The following SEMA3E variants were observed in gnomAD, a reference collection of about 807,000 sequenced individuals.
SEMA3E encodes semaphorin 3E, also known as semaphorin-3E.
In SEMA3E, 49 loss-of-function variants were observed where a neutral mutation model predicts 93.6. That is an observed-to-expected ratio of 0.52 (90% confidence interval 0.42 to 0.66). The LOEUF (loss-of-function observed/expected upper bound fraction) is 0.66, where lower values mean the gene tolerates loss of function less well. Ranked by LOEUF, SEMA3E falls within the 30% of genes least tolerant of loss-of-function variation. SEMA3E has a pLI of 0.00. For missense variants in SEMA3E, 906 were observed against 964.8 expected (o/e 0.94, Z 0.81); for synonymous variants, 363 against 330.7 (o/e 1.10, Z -1.06).
intron 1 of SEMA3E, among the ~76,000 whole-genome samples, chr7:83,520,572 G>T (rs975063285): frequency 6.6e-6 from 1 of 152,044 alleles, no homozygotes; most frequent in Non-Finnish European, 1.5e-5. Flanking sequence ...GCTCAAGACT[G>T]GGTCTGCAGC....
rs1447930798 is a variant in SEMA3E at position 83,648,653 on chromosome 7, C to T, written c.-111G>A. 3.8e-6 allele frequency: 3 copies of T among 796,264 alleles called. No individual in the cohort carries two copies. The highest frequency in any genetic ancestry group is 6.5e-6 in the Non-Finnish European group (3 of 458,252). The allele number at this position is 796,264 out of a possible 1,614,324, so 49.3% of individuals were successfully genotyped here. A position where few individuals can be genotyped will look rare whatever the true frequency, so the allele number is the denominator to read the frequency against. On this transcript the variant is annotated 5_prime_UTR_variant, in exon 1 of 17. Transcript: ENST00000643230. ...GCGAGAGGCTTTGTCAGAAATCGAA[C>T]GCGTTGTCATCAGAAAGCACAGTTC... is the stretch of plus-strand genomic sequence containing the variant.
At chr7:83,446,368 G>A (rs1013187154) in intron 4 of SEMA3E, among the ~76,000 whole-genome samples, 2 of 152,290 alleles carry the variant, frequency 1.3e-5, no homozygotes, top group Non-Finnish European at 1.5e-5. Flanking sequence ...CAGCAGTGGA[G>A]AAAACAAAAG....
At chr7:83,593,326 G>A (rs905801476) in intron 1 of SEMA3E, among the ~76,000 whole-genome samples, 3 of 121,286 alleles carry the variant, frequency 2.5e-5, no homozygotes, top group African/African-American at 9.8e-5. Flanking sequence ...GTGTGTGTGT[G>A]TGTGTGTGTT....
chr7:83,373,698 C>A (rs1319703928), intron 16 of SEMA3E, among the ~76,000 whole-genome samples: 3 of 151,810 alleles, frequency 2.0e-5, no homozygotes, highest in Non-Finnish European at 4.4e-5. Flanking sequence ...ATGTTATATT[C>A]AAAAACATAC....
At chr7:83,499,418 T>G (rs550364183) in intron 1 of SEMA3E, among the ~76,000 whole-genome samples, 1 of 152,324 alleles carries the variant, frequency 6.6e-6, no homozygotes, top group African/African-American at 2.4e-5. Context: ...GCTAATTTGA[T>G]GGAGAAAATA....
chr7:83,648,410 T>A lies in SEMA3E; in HGVS notation c.115+18A>T. On this transcript the variant is annotated intron_variant, in intron 1 of 16. Coordinates refer to ENST00000643230, the MANE Select transcript of SEMA3E (RefSeq NM_012431.3). ...TTTTTTTTTTTTTTAAACAAAAGGA[T>A]CTGGAAAGGTAACCTACCTTTATGT... is the stretch of plus-strand genomic sequence containing the variant. 2.1e-6 allele frequency: 3 copies of A among 1,432,752 alleles called. No homozygotes were observed. Among genetic ancestry groups the A allele is most frequent in the Non-Finnish European group, 3.0e-6 (3 of 1,016,576 alleles). The allele number at this position is 1,432,752 out of a possible 1,614,324, so 88.8% of individuals were successfully genotyped here.
chr7:83,452,884 A>C (rs1425357371), intron 4 of SEMA3E, among the ~76,000 whole-genome samples: 3 of 152,180 alleles, frequency 2.0e-5, no homozygotes, highest in Non-Finnish European at 4.4e-5. Context: ...TGCCTTTTCT[A>C]TTAGCTGCAC....
At chr7:83,577,254 A>C (rs1584342441) in intron 1 of SEMA3E, among the ~76,000 whole-genome samples, 1 of 152,350 alleles carries the variant, frequency 6.6e-6, no homozygotes, top group East Asian at 1.9e-4. Context: ...ATTGATCTAT[A>C]CTGCTCCTTT....
At chr7:83,379,473 G>C (rs1285535105) in intron 16 of SEMA3E, among the ~76,000 whole-genome samples, 1 of 151,818 alleles carries the variant, frequency 6.6e-6, no homozygotes, top group Non-Finnish European at 1.5e-5. Flanking sequence ...GAATAGCATG[G>C]CATATAGTAA....
At chr7:83,623,611 GA>G (rs528262274) in intron 1 of SEMA3E, among the ~76,000 whole-genome samples, 2,403 of 142,600 alleles carry the variant, frequency 0.017, 38 homozygotes, top group African/African-American at 0.032. Flanking sequence ...ATCTCTACCT[GA>G]AAAAAAAAAA....
intron 1 of SEMA3E, among the ~76,000 whole-genome samples, chr7:83,495,865 C>T (rs1423880988): frequency 6.6e-6 from 1 of 151,824 alleles, no homozygotes; most frequent in African/African-American, 2.4e-5. Flanking sequence ...AAATTTTCTC[C>T]AGTGAACATG....
At chr7:83,645,208 C>A (rs751660373) in intron 1 of SEMA3E, among the ~76,000 whole-genome samples, 46 of 151,992 alleles carry the variant, frequency 3.0e-4, no homozygotes, top group Admixed American at 7.2e-4. Context: ...GACTTTTCTC[C>A]CTTCATTCTC....
At chr7:83,473,794 C>A (rs1789951371) in intron 2 of SEMA3E, among the ~76,000 whole-genome samples, 1 of 148,856 alleles carries the variant, frequency 6.7e-6, no homozygotes, top group African/African-American at 2.5e-5. Context: ...TAAATATGTT[C>A]AAGATTCAGC....
chr7:83,443,339 A>C (rs947855854), intron 4 of SEMA3E, among the ~76,000 whole-genome samples: 2 of 152,330 alleles, frequency 1.3e-5, no homozygotes, highest in South Asian at 2.1e-4. Context: ...CTTCTGACAG[A>C]AAAAGGGTAT....
intron 4 of SEMA3E, among the ~76,000 whole-genome samples, chr7:83,426,285 T>C (rs1171743369): frequency 6.6e-6 from 1 of 152,186 alleles, no homozygotes; most frequent in Non-Finnish European, 1.5e-5. Context: ...TGTATGTTCA[T>C]TGCAGCATTA....
intron 5 of SEMA3E, among the ~76,000 whole-genome samples, chr7:83,413,637 G>A (rs926103766): frequency 6.6e-6 from 1 of 152,160 alleles, no homozygotes; most frequent in Non-Finnish European, 1.5e-5. Flanking sequence ...AAACCAGGAA[G>A]AATGTGAGAT....
chr7:83,602,449 C>A (rs1326179863), intron 1 of SEMA3E, among the ~76,000 whole-genome samples: 1 of 151,800 alleles, frequency 6.6e-6, no homozygotes, highest in Non-Finnish European at 1.5e-5. Context: ...CCTCATCTTA[C>A]CTAGAGAGGT....
chr7:83,544,263 A>G (rs1237833133), intron 1 of SEMA3E, among the ~76,000 whole-genome samples: 1 of 152,124 alleles, frequency 6.6e-6, no homozygotes, highest in Non-Finnish European at 1.5e-5. Context: ...TAAAACCTTA[A>G]TTACAGATAA....
chr7:83,530,647 C>T (rs1319667307), intron 1 of SEMA3E, among the ~76,000 whole-genome samples: 5 of 152,050 alleles, frequency 3.3e-5, no homozygotes, highest in African/African-American at 4.8e-5. Context: ...GAGGCTGAGG[C>T]GGGTGGATCC....
Sources: allele counts gnomAD v4.1 joint callset (sites outside exome capture counted in the v4.1 genomes callset), GRCh38; gene constraint gnomAD v4.1.1; transcripts MANE v1.5; gene names NCBI Gene and HGNC (gene_info 2026-07-23, HGNC 2026-07-21).